The following RTTN variants were observed in gnomAD, a reference collection of about 807,000 sequenced individuals.
RTTN encodes the protein rotatin.
In RTTN, 182 loss-of-function variants were observed where a neutral mutation model predicts 269.2. The observed-to-expected ratio is 0.68, with a 90% CI of 0.60 to 0.76. The LOEUF (loss-of-function observed/expected upper bound fraction) is 0.76. RTTN is among the 30% of genes least tolerant of loss of function. The pLI is 0.00. For missense variants in RTTN, 2,545 were observed against 2,608.6 expected (o/e 0.98, Z 0.53); for synonymous variants, 1,006 against 963.5 (o/e 1.04, Z -0.82).
intron 14 of RTTN, among the ~76,000 whole-genome samples, chr18:70,154,311 G>T (rs78978046): frequency 0.019 from 2,933 of 151,618 alleles, 93 homozygotes; most frequent in African/African-American, 0.066. Context: ...ATTCCTACTT[G>T]AAATTCATCA....
At chr18:70,109,394 T>C in intron 28 of RTTN, 104 bp downstream of exon 28, 1 of 756,866 alleles carries the variant, frequency 1.3e-6, no homozygotes, top group Non-Finnish European at 2.2e-6. Flanking sequence ...ATAAATAATG[T>C]ATAATATTCT....
chr18:70,005,159 T>A (rs755773110), intron 48 of RTTN, 39 bp downstream of exon 48: 2 of 1,478,032 alleles, frequency 1.4e-6, no homozygotes, highest in South Asian at 2.4e-5. Flanking sequence ...CTTAATAGCT[T>A]CTGAGTTTAA....
rs1366699608 is a variant in RTTN, at chr18:70,148,960, C to G, written c.2250G>C (p.Met750Ile). 3.1e-6 allele frequency: 5 copies of G among 1,613,386 alleles called. No individual in the cohort carries two copies. The Admixed American group carries it at 5.0e-5, about 16-fold the overall frequency. ...LSKASSDTEEMLPCTTRLKSM... is the reference protein window; with the variant it reads ...LSKASSDTEEILPCTTRLKSM... ...ACTTTAATCGGGTAGTACACGGAAG[C>G]ATCTCTTCTGTGTCAGAACTTGCTT... The change falls in exon 17 of 49, where the codon ATG (methionine) becomes ATC (isoleucine). Residue 750 changes from methionine to isoleucine, a missense_variant. Physicochemically the swap from Met to Ile is conservative, Grantham distance 10 (BLOSUM62 1). Coordinates refer to ENST00000640769, the MANE Select transcript of RTTN (RefSeq NM_173630.4).
At chr18:70,132,097 A>T (rs2060012866) in intron 23 of RTTN, among the ~76,000 whole-genome samples, 2 of 152,120 alleles carry the variant, frequency 1.3e-5, no homozygotes, top group Non-Finnish European at 2.9e-5. Context: ...TGCTAGAGAT[A>T]AAGAAATAAT....
chr18:70,127,364 G>T, intron 25 of RTTN, 138 bp downstream of exon 25: 2 of 973,302 alleles, frequency 2.1e-6, no homozygotes, highest in Non-Finnish European at 2.9e-6. Context: ...TATTATTACA[G>T]ATGATAAAAA....
At position 70,114,560 on chromosome 18, in the gene RTTN, ACT is replaced by A; in HGVS notation, c.3566_3567del (p.Glu1189ValfsTer9). ...TCATCTGTTTCTTCTCGTGCCTGTG[ACT>A]CTGTCAGAACCAAGAGGTCTAACAG... ...NPLLDLLVLT[E>X]SQAREETDDI... On this transcript the variant is annotated frameshift_variant, in exon 27 of 49. Transcript: ENST00000640769. LOFTEE classifies it high-confidence loss of function. 6.2e-7 allele frequency: 1 copy of A among 1,613,518 alleles called. No homozygotes were observed. The highest frequency in any genetic ancestry group is 8.5e-7 in the Non-Finnish European group (1 of 1,179,588).
intron 32 of RTTN, among the ~76,000 whole-genome samples, chr18:70,085,341 C>A (rs1468328515): frequency 6.6e-6 from 1 of 152,012 alleles, no homozygotes; most frequent in African/African-American, 2.4e-5. Flanking sequence ...GGTAGGGTTA[C>A]CCTGGGTTTG....
chr18:70,167,947 G>C lies in RTTN; in HGVS notation c.1689+908C>G, dbSNP rs114701577. Among the ~76,000 whole-genome samples, 762 of 152,072 alleles carry C rather than the reference G, an allele frequency of 5.0e-3. 5 individuals are homozygous for C. Among genetic ancestry groups the C allele is most frequent in the African/African-American group, 0.017 (722 of 41,492 alleles). ...GGACAGCTTGACGCCAGGAGTTCAAGACCAGCCTGGGCAACACAGTGAGAC... is the reference window on the plus strand; with the variant it reads ...GGACAGCTTGACGCCAGGAGTTCAACACCAGCCTGGGCAACACAGTGAGAC... On this transcript the variant is annotated intron_variant, in intron 12 of 48. Coordinates refer to ENST00000640769, the MANE Select transcript of RTTN (RefSeq NM_173630.4).
chr18:70,172,717 C>T (rs973806118), intron 11 of RTTN, among the ~76,000 whole-genome samples: 6 of 151,348 alleles, frequency 4.0e-5, no homozygotes, highest in African/African-American at 1.5e-4. Context: ...GGAAAATTAA[C>T]TTTACATTAT....
rs372241057 is a variant in RTTN, at chr18:70,020,770, C to T, written c.5998G>A (p.Ala2000Thr). ...WSSCGQHPVQ[A>T]THRGAVSNSL... ...TTGCTCACGGCTCCTCTATGTGTAG[C>T]TTGAACAGGGTGTTGTCCACAACTT... Residue 2000 changes from alanine to threonine, a missense_variant, in exon 45 of 49, where the codon GCT becomes ACT. By Grantham distance (58) the Ala-to-Thr change is moderately conservative. Transcript: ENST00000640769. The T allele has an allele frequency of 6.2e-7, 1 of 1,613,804 alleles. No individual in the cohort carries two copies. The highest frequency in any genetic ancestry group is 1.3e-5 in the African/African-American group (1 of 74,910).
intron 34 of RTTN, among the ~76,000 whole-genome samples, chr18:70,069,039 T>A (rs1279022631): frequency 6.6e-6 from 1 of 152,140 alleles, no homozygotes; most frequent in Non-Finnish European, 1.5e-5. Context: ...AGATGTTTGG[T>A]CAAAGAGTGC....
At chr18:70,198,701 C>T (rs1236137695) in intron 5 of RTTN, among the ~76,000 whole-genome samples, 1 of 152,100 alleles carries the variant, frequency 6.6e-6, no homozygotes, top group African/African-American at 2.4e-5. Flanking sequence ...TCAGTGGTAC[C>T]CAACCTTATC....
rs1029610414 is a variant in RTTN, at chr18:70,024,755, G to A, written c.5917C>T (p.Leu1973Phe). The part of the protein sequence containing the change: ...DDSLMQISLQ[L>F]LCVYTANFPN... ...AAATTTGCAGTATAGACACAAAGGA[G>A]CTGCAGAGAAATTTGCATCAATGAA... is the stretch of plus-strand genomic sequence containing the variant. The change falls in exon 44 of 49, where the codon CTC becomes TTC. Residue 1973 changes from leucine (L) to phenylalanine (F), a missense_variant. Transcript: ENST00000640769. 6 of 1,613,762 alleles carry A rather than the reference G, an allele frequency of 3.7e-6. No homozygotes were observed. The highest frequency in any genetic ancestry group is 1.7e-5 in the Admixed American group (1 of 60,000).
At chr18:70,142,148 A>G (rs2060272464) in intron 19 of RTTN, 140 bp downstream of exon 19, 6 of 589,012 alleles carry the variant, frequency 1.0e-5, no homozygotes, top group African/African-American at 3.7e-5. Context: ...TGCAAAAACC[A>G]TTCTTGAGGG....
At chr18:70,204,727 T>C (rs1473068257) in intron 2 of RTTN, among the ~76,000 whole-genome samples, 1 of 152,254 alleles carries the variant, frequency 6.6e-6, no homozygotes, top group East Asian at 1.9e-4. Context: ...TCTAAAAGCA[T>C]ATGGGCAAGC....
chr18:70,139,893 C>CTATCACCTA, intron 20 of RTTN, 177 bp from the exon 21 acceptor site: 1 of 618,352 alleles, frequency 1.6e-6, no homozygotes, highest in Non-Finnish European at 2.9e-6. Context: ...GTATATACTT[C>CTATCACCTA]TATCACCTAT....
At chr18:70,047,002 C>T (rs548494632) in intron 40 of RTTN, among the ~76,000 whole-genome samples, 4 of 152,250 alleles carry the variant, frequency 2.6e-5, no homozygotes, top group East Asian at 3.9e-4. Flanking sequence ...AGCAGTCATA[C>T]CAGAAATATC....
chr18:70,071,342 T>C (rs1327447087), intron 34 of RTTN, among the ~76,000 whole-genome samples: 1 of 152,142 alleles, frequency 6.6e-6, no homozygotes, highest in Admixed American at 6.6e-5. Flanking sequence ...AAAGAAAGGC[T>C]CAAAAAGAAA....
intron 32 of RTTN, among the ~76,000 whole-genome samples, chr18:70,077,602 A>C (rs1045497795): frequency 2.0e-5 from 3 of 151,986 alleles, no homozygotes; most frequent in African/African-American, 7.2e-5. Flanking sequence ...AATATGTAAA[A>C]TTGTCACAGT....
Sources: allele counts gnomAD v4.1 joint callset (sites outside exome capture counted in the v4.1 genomes callset), GRCh38; gene constraint gnomAD v4.1.1; transcripts MANE v1.5; gene names NCBI Gene and HGNC (gene_info 2026-07-23, HGNC 2026-07-21).